Variants in NRG3 observed in about 807,000 individuals in gnomAD.
NRG3 encodes pro-neuregulin-3, membrane-bound isoform.
In NRG3, 31 loss-of-function variants were observed where a neutral mutation model predicts 66.9. The ratio of observed to expected loss-of-function variants is 0.46; its 90% CI spans 0.35 to 0.63. The LOEUF (loss-of-function observed/expected upper bound fraction) is 0.63, where lower values mean the gene tolerates loss of function less well. NRG3 is among the 20% of genes least tolerant of loss of function. The probability of loss-of-function intolerance (pLI) is 0.00; values close to 1 mark genes in which losing one functional copy is unlikely to be tolerated. For missense variants in NRG3, 910 were observed against 878.9 expected, an observed-to-expected ratio of 1.04 and a Z score of -0.45; for synonymous variants, 393 against 359.4, an observed-to-expected ratio of 1.09 and a Z score of -1.06.
At chr10:82,934,503 C>T (rs546558416) in intron 4 of NRG3, among the ~76,000 whole-genome samples, 2 of 152,288 alleles carry the variant, frequency 1.3e-5, no homozygotes, top group South Asian at 2.1e-4. Context: ...ATTGCTTCTG[C>T]CTCTCTTGAA....
At chr10:82,104,238 C>G (rs2066930067) in intron 1 of NRG3, among the ~76,000 whole-genome samples, 1 of 152,112 alleles carries the variant, frequency 6.6e-6, no homozygotes, top group South Asian at 2.1e-4. Context: ...TTGGCCACAG[C>G]AGAAGCCCAG....
chr10:82,479,957 G>T (rs1345302319), intron 2 of NRG3, among the ~76,000 whole-genome samples: 1 of 152,178 alleles, frequency 6.6e-6, no homozygotes. Flanking sequence ...TACAGAGCGA[G>T]ACTGCGTCTC....
chr10:82,589,380 C>T (rs562139941), intron 2 of NRG3, among the ~76,000 whole-genome samples: 1 of 152,226 alleles, frequency 6.6e-6, no homozygotes, highest in Admixed American at 6.5e-5. Context: ...AGAATTGAGA[C>T]ATCTCCAGCT....
intron 2 of NRG3, among the ~76,000 whole-genome samples, chr10:82,537,482 C>G (rs1379951337): frequency 6.6e-6 from 1 of 152,130 alleles, no homozygotes; most frequent in Non-Finnish European, 1.5e-5. Context: ...ATCTTAGTAA[C>G]TGGCCTTGCC....
chr10:82,065,808 G>T (rs1349738248), intron 1 of NRG3, among the ~76,000 whole-genome samples: 2 of 152,232 alleles, frequency 1.3e-5, no homozygotes, highest in East Asian at 3.9e-4. Context: ...AACCAGAAAA[G>T]ATCCTCCCAC....
intron 2 of NRG3, among the ~76,000 whole-genome samples, chr10:82,671,975 T>A (rs1207140910): frequency 6.6e-6 from 1 of 152,220 alleles, no homozygotes; most frequent in Non-Finnish European, 1.5e-5. Context: ...TATATTTAAA[T>A]GGTTATGTTT....
At chr10:82,910,091 C>A (rs924817489) in intron 4 of NRG3, among the ~76,000 whole-genome samples, 3 of 152,112 alleles carry the variant, frequency 2.0e-5, no homozygotes, top group African/African-American at 7.2e-5. Flanking sequence ...GGCCATGAAA[C>A]AAGAAAATAC....
chr10:82,456,811 G>A (rs936094413), intron 2 of NRG3, among the ~76,000 whole-genome samples: 1 of 151,994 alleles, frequency 6.6e-6, no homozygotes, highest in South Asian at 2.1e-4. Flanking sequence ...CCTGAGTACC[G>A]GGCCTGACAC....
intron 1 of NRG3, among the ~76,000 whole-genome samples, chr10:82,035,644 A>G (rs1321629618): frequency 1.3e-5 from 2 of 152,118 alleles, no homozygotes; most frequent in Non-Finnish European, 2.9e-5. Context: ...GATATTTCTC[A>G]TCTATTTAAG....
chr10:82,485,489 G>A (rs896634935), intron 2 of NRG3, among the ~76,000 whole-genome samples: 1 of 148,760 alleles, frequency 6.7e-6, no homozygotes, highest in South Asian at 2.2e-4. Context: ...TATTTGCAGA[G>A]TAGTAGGATT....
chr10:82,256,996 G>A (rs576976976), intron 1 of NRG3, among the ~76,000 whole-genome samples: 2 of 152,076 alleles, frequency 1.3e-5, no homozygotes, highest in Admixed American at 6.5e-5. Context: ...ATGTGTAGAC[G>A]ACAGGGTTTA....
Position 82,349,314 on chromosome 10 carries a change from A to G in NRG3, c.824-9425A>G, listed in dbSNP as rs543723506. Among the ~76,000 whole-genome samples, 50 of 152,004 alleles carry G rather than the reference A, an allele frequency of 3.3e-4. No individual in the cohort carries two copies. The East Asian group carries it at 8.4e-3, about 26-fold the overall frequency. ...GACCCTCAGCTGCAGGTCTGTTGGA[A>G]TACCCTGCCTTGTGAGATGTCAGTG... On this transcript the variant is annotated intron_variant, in intron 1 of 8. Transcript: ENST00000372141.
In NRG3 at chr10:81,969,778, T is replaced by C. The variant is rs997267771; in HGVS notation, c.823+93615T>C. Among the ~76,000 whole-genome samples the C allele has an allele frequency of 1.8e-4, 25 of 136,196 alleles. 1 individual carries two copies. The highest frequency in any genetic ancestry group is 8.4e-4 in the African/African-American group (25 of 29,622). The allele number at this position is 136,196 out of a possible 152,430, so 89.3% of individuals were successfully genotyped here. ...CTCATGTCTGGACATTTTGAGTGTG[T>C]GTGTGTGTGTGTGTGTGTGTGTGCA... On this transcript the variant is annotated intron_variant, in intron 1 of 8. Coordinates refer to ENST00000372141, the MANE Select transcript of NRG3 (RefSeq NM_001010848.4).
rs116918422 is a variant in NRG3, at chr10:82,011,344, A to G, written c.823+135181A>G. Among the ~76,000 whole-genome samples, 31 of 152,302 alleles carry G rather than the reference A, an allele frequency of 2.0e-4. 1 individual carries two copies. The East Asian group carries it at 5.0e-3, about 25-fold the overall frequency. Reference sequence around the variant, plus strand: ...AGGACACCCACGCAGCGATTAAGTTATCTCCATCTGGCCCCACCCTTGACA... The same window carrying G: ...AGGACACCCACGCAGCGATTAAGTTGTCTCCATCTGGCCCCACCCTTGACA... On this transcript the variant is annotated intron_variant, in intron 1 of 8. Transcript: ENST00000372141.
intron 3 of NRG3, among the ~76,000 whole-genome samples, chr10:82,752,137 T>C (rs1414337): frequency 0.087 from 13,175 of 152,220 alleles, 1,773 homozygotes; most frequent in African/African-American, 0.29. Flanking sequence ...ATTCACCCAA[T>C]GTCTATGACT....
chr10:82,662,299 A>G (rs998599574), intron 2 of NRG3, among the ~76,000 whole-genome samples: 5 of 152,134 alleles, frequency 3.3e-5, no homozygotes, highest in Non-Finnish European at 7.3e-5. Context: ...TCCACCAGGT[A>G]TAATCACACT....
chr10:82,132,516 GATATATATGATATATATATGATATAT>G (rs1468814917), intron 1 of NRG3, among the ~76,000 whole-genome samples: 1 of 11,842 alleles, frequency 8.4e-5, no homozygotes, highest in Non-Finnish European at 2.0e-4. Flanking sequence ...ATATATATAT[GATATATATGATATATATATGATATAT>G]ATATATCTTT....
rs114424099 is a variant in NRG3 at position 82,858,758 on chromosome 10, T to C, written c.1028-6653T>C. Among the ~76,000 whole-genome samples the C allele has an allele frequency of 3.6e-3, 547 of 152,278 alleles. 2 individuals are homozygous for C. The highest frequency in any genetic ancestry group is 0.012 in the African/African-American group (486 of 41,562). ...GTTTGCTCCACATTCCTATGGCAAG[T>C]ATTTCCCAGAGCAGGTACCTTATAT... On this transcript the variant is annotated intron_variant, in intron 3 of 8. Transcript: ENST00000372141.
intron 2 of NRG3, among the ~76,000 whole-genome samples, chr10:82,445,726 G>A (rs1366862925): frequency 2.0e-5 from 3 of 152,094 alleles, no homozygotes; most frequent in Admixed American, 6.6e-5. Context: ...CCTCTCTGTT[G>A]TATTCCAGTA....
Sources: gnomAD v4.1 joint callset for allele counts (sites outside exome capture counted in the v4.1 genomes callset) on GRCh38, gnomAD v4.1.1 for gene constraint, MANE v1.5 for transcripts, NCBI Gene and HGNC (gene_info 2026-07-23, HGNC 2026-07-21) for gene names.